The following ELAPOR1 variants were observed in gnomAD, a reference collection of about 807,000 sequenced individuals.
ELAPOR1 encodes endosome/lysosome-associated apoptosis and autophagy regulator 1.
In ELAPOR1, 77 loss-of-function variants were observed where a neutral mutation model predicts 119.7. That is an observed-to-expected ratio of 0.64 (90% CI 0.54 to 0.78). ELAPOR1 has a LOEUF of 0.78. Ranked by LOEUF, ELAPOR1 falls within the 30% of genes least tolerant of loss-of-function variation. The pLI is 0.00. For missense variants in ELAPOR1, 1,115 were observed against 1,270.4 expected (o/e 0.88, Z 1.86); for synonymous variants, 481 against 487.2 (o/e 0.99, Z 0.17).
At chr1:109,151,780 G>T (rs990368787) in intron 1 of ELAPOR1, among the ~76,000 whole-genome samples, 1 of 152,092 alleles carries the variant, frequency 6.6e-6, no homozygotes, top group African/African-American at 2.4e-5. Flanking sequence ...GTACTTTCCA[G>T]GCAAAGAAGC....
chr1:109,180,881 C>A (rs543534706), intron 7 of ELAPOR1, among the ~76,000 whole-genome samples: 90 of 152,140 alleles, frequency 5.9e-4, no homozygotes, highest in Non-Finnish European at 1.1e-3. Context: ...GGGAGGATCA[C>A]CTGAGCCTGG....
chr1:109,167,973 TG>T (rs1401736472), intron 3 of ELAPOR1, among the ~76,000 whole-genome samples: 2 of 152,158 alleles, frequency 1.3e-5, no homozygotes, highest in African/African-American at 4.8e-5. Context: ...GGCTACCAAT[TG>T]CTCTTGGGAT....
At chr1:109,174,872 C>T (rs1296281897) in intron 7 of ELAPOR1, among the ~76,000 whole-genome samples, 4 of 152,128 alleles carry the variant, frequency 2.6e-5, no homozygotes, top group South Asian at 2.1e-4. Context: ...CCCGCCACTG[C>T]GCCCGGCTAA....
intron 1 of ELAPOR1, among the ~76,000 whole-genome samples, chr1:109,158,699 T>C (rs543193998): frequency 6.6e-6 from 1 of 152,296 alleles, no homozygotes; most frequent in Admixed American, 6.5e-5. Flanking sequence ...ATGTATATAC[T>C]GAACGTGTTT....
intron 1 of ELAPOR1, among the ~76,000 whole-genome samples, chr1:109,160,193 G>A (rs1651157666): frequency 6.6e-6 from 1 of 151,884 alleles, no homozygotes; most frequent in African/African-American, 2.4e-5. Context: ...TGTAGTCTCA[G>A]CTACTTGGGA....
intron 1 of ELAPOR1, among the ~76,000 whole-genome samples, chr1:109,130,505 A>ATT (rs1331877218): frequency 2.0e-5 from 3 of 150,624 alleles, no homozygotes; most frequent in Non-Finnish European, 4.4e-5. Flanking sequence ...TTAAAATTAT[A>ATT]TATATATTTA....
At chr1:109,147,013 C>T (rs1297386347) in intron 1 of ELAPOR1, among the ~76,000 whole-genome samples, 1 of 151,504 alleles carries the variant, frequency 6.6e-6, no homozygotes, top group African/African-American at 2.4e-5. Context: ...TCAAGTGATT[C>T]TCCTGCCTCA....
chr1:109,198,120 C>T (rs1358589603), intron 17 of ELAPOR1, 45 bp downstream of exon 17: 1 of 1,467,012 alleles, frequency 6.8e-7, no homozygotes, highest in African/African-American at 1.4e-5. Context: ...CCTAGGACTC[C>T]TCCATAATTT....
At position 109,174,355 on chromosome 1, in the gene ELAPOR1, G is replaced by A. The variant is rs1461168774; in HGVS notation, c.952+518G>A. On this transcript the variant is annotated intron_variant, in intron 7 of 21. Transcript: ENST00000369939. ...TTGGGCCTAGGAGGTTGAAGCTTCA[G>A]TGAGCCATGATCACACCACTGCACT... 4.9e-5 allele frequency among the ~76,000 whole-genome samples: 6 copies of A among 123,584 alleles called. No homozygotes were observed. In the East Asian group the frequency reaches 1.3e-3, roughly 28 times the overall value. 81.1% of individuals were successfully genotyped at this position (123,584 alleles called of 152,430 possible).
intron 11 of ELAPOR1, 72 bp downstream of exon 11, chr1:109,189,754 T>C (rs1653309534): frequency 8.5e-7 from 1 of 1,179,596 alleles, no homozygotes; most frequent in Non-Finnish European, 1.3e-6. Context: ...TTTGGAATAT[T>C]GTAGAGGAGA....
At position 109,192,720 on chromosome 1, in the gene ELAPOR1, T is replaced by G. The variant is rs1653525683; in HGVS notation, c.1793T>G (p.Val598Gly). 6.2e-7 allele frequency: 1 copy of G among 1,614,030 alleles called. No individual in the cohort carries two copies. The highest frequency in any genetic ancestry group is 1.7e-5 in the Admixed American group (1 of 59,992). Reference protein sequence around the residue: ...CRPCALEASDVGSSCTSCPAG... With the variant: ...CRPCALEASDGGSSCTSCPAG... ...CCCTGTGCCCTAGAAGCCTCTGATG[T>G]GGGCTCCTCCTGCACCTCTTGTCCT... is the stretch of plus-strand genomic sequence containing the variant. Residue 598 changes from valine (V) to glycine (G), a missense_variant, in exon 14 of 22, where the codon GTG (valine) becomes GGG (glycine). Val to Gly is a moderately radical substitution (Grantham distance 109). Transcript: ENST00000369939.
At chr1:109,193,363 G>A (rs1653571284) in intron 14 of ELAPOR1, among the ~76,000 whole-genome samples, 1 of 152,034 alleles carries the variant, frequency 6.6e-6, no homozygotes, top group African/African-American at 2.4e-5. Context: ...TTTCCTAAGT[G>A]GAAAAAAGCT....
chr1:109,138,726 C>G (rs1392524882), intron 1 of ELAPOR1, among the ~76,000 whole-genome samples: 1 of 150,882 alleles, frequency 6.6e-6, no homozygotes, highest in Admixed American at 6.7e-5. Flanking sequence ...GCCTTCTCCC[C>G]ATAGTCCCAG....
Position 109,200,801 on chromosome 1 carries a change from T to C in ELAPOR1, c.2874T>C (p.Ala958=), listed in dbSNP as rs1349567328. The C allele has an allele frequency of 6.2e-7, 1 of 1,614,212 alleles. No individual in the cohort carries two copies. The highest frequency in any genetic ancestry group is 2.2e-5 in the East Asian group (1 of 44,886). ...ATLKDCDLPA[A]DSCAIMEGED... ...TCAAGGACTGTGACCTGCCAGCAGC[T>C]GACAGCTGCGCCATCATGGAAGGCG... The change falls in exon 21 of 22, where the codon GCT becomes GCC. Residue 958 remains alanine, a synonymous_variant. Coordinates refer to ENST00000369939, the MANE Select transcript of ELAPOR1 (RefSeq NM_020775.5).
At chr1:109,125,316 C>T (rs999534640) in intron 1 of ELAPOR1, among the ~76,000 whole-genome samples, 5 of 152,030 alleles carry the variant, frequency 3.3e-5, no homozygotes, top group African/African-American at 7.2e-5. Flanking sequence ...AGTGATCCAG[C>T]GCTCCTTGGC....
At position 109,171,982 on chromosome 1, in the gene ELAPOR1, A is replaced by G. The variant is rs756405190; in HGVS notation, c.584A>G (p.Tyr195Cys). ...QSGTVNFEYYYPDSSIIFEFF... is the reference protein window; with the variant it reads ...QSGTVNFEYYCPDSSIIFEFF... Reference sequence around the variant, plus strand: ...GGCACCGTTAACTTCGAATACTACTATCCAGACTCCAGCATCATCTTTGAG... The same window carrying G: ...GGCACCGTTAACTTCGAATACTACTGTCCAGACTCCAGCATCATCTTTGAG... Residue 195 changes from tyrosine (Y) to cysteine (C), a missense_variant, in exon 4 of 22, where the codon TAT becomes TGT. Coordinates refer to ENST00000369939, the MANE Select transcript of ELAPOR1 (RefSeq NM_020775.5). 4 of 1,614,136 alleles carry G rather than the reference A, an allele frequency of 2.5e-6. No individual in the cohort carries two copies. In the East Asian group the frequency reaches 6.7e-5, roughly 27 times the overall value.
chr1:109,117,537 G>A (rs1648095674), intron 1 of ELAPOR1, among the ~76,000 whole-genome samples: 1 of 152,196 alleles, frequency 6.6e-6, no homozygotes, highest in South Asian at 2.1e-4. Flanking sequence ...AATGAGTGAT[G>A]CCATTTAGTA....
At chr1:109,145,125 G>T (rs2101007232) in intron 1 of ELAPOR1, among the ~76,000 whole-genome samples, 1 of 152,150 alleles carries the variant, frequency 6.6e-6, no homozygotes, top group African/African-American at 2.4e-5. Flanking sequence ...TTGTAAATGG[G>T]ATTAGGTACC....
At chr1:109,147,512 A>T (rs888446908) in intron 1 of ELAPOR1, among the ~76,000 whole-genome samples, 5 of 152,224 alleles carry the variant, frequency 3.3e-5, no homozygotes, top group Non-Finnish European at 7.3e-5. Context: ...ACTGTATTAT[A>T]ACTATATACT....
Sources: gnomAD v4.1 joint callset for allele counts (sites outside exome capture counted in the v4.1 genomes callset) on GRCh38, gnomAD v4.1.1 for gene constraint, MANE v1.5 for transcripts, NCBI Gene and HGNC (gene_info 2026-07-23, HGNC 2026-07-21) for gene names.